Variants in KCNH6 observed in about 807,000 individuals in gnomAD.
The protein encoded by KCNH6 is potassium voltage-gated channel subfamily H member 6.
Under a neutral mutation model 83.4 loss-of-function variants are expected in KCNH6, and 81 were observed. The observed-to-expected ratio is 0.97, with a 90% CI of 0.81 to 1.17. The LOEUF (loss-of-function observed/expected upper bound fraction) is 1.17, where lower values mean the gene tolerates loss of function less well. Ranked by LOEUF, KCNH6 falls within the 50% of genes most tolerant of loss-of-function variation. The pLI is 0.00. For missense variants in KCNH6, 1,203 were observed against 1,290.5 expected (o/e 0.93, Z 1.04); for synonymous variants, 503 against 545.6 (o/e 0.92, Z 1.09).
At position 63,545,910 on chromosome 17, in the gene KCNH6, G is replaced by A; in HGVS notation, c.*8G>A. 2 of 1,613,006 alleles carry A rather than the reference G, an allele frequency of 1.2e-6. No individual in the cohort carries two copies. Among genetic ancestry groups the A allele is most frequent in the Non-Finnish European group, 1.7e-6 (2 of 1,179,570 alleles). On this transcript the variant is annotated 3_prime_UTR_variant, in exon 13 of 13. Coordinates refer to ENST00000314672, the MANE Select transcript of KCNH6 (RefSeq NM_001278919.2). The stretch of plus-strand genomic sequence containing the variant: ...GGGAGTTGGGGCCACTGAACTCCAA[G>A]ATAAAGACACCATGAGGGGACTGAA...
chr17:63,525,018 C>A (rs925154176), intron 2 of KCNH6, among the ~76,000 whole-genome samples: 1 of 152,164 alleles, frequency 6.6e-6, no homozygotes, highest in Non-Finnish European at 1.5e-5. Context: ...CTGGACCTGG[C>A]AGCATGGGTG....
In KCNH6 at chr17:63,542,398, C is replaced by G; in HGVS notation, c.2112C>G (p.Phe704Leu). The change falls in exon 9 of 13, where the codon TTC becomes TTG. Residue 704 changes from phenylalanine to leucine, a missense_variant. Coordinates refer to ENST00000314672, the MANE Select transcript of KCNH6 (RefSeq NM_001278919.2). ...TGTACCCGGCCTTTGCGGAGAGCTT[C>G]TGGAGTAAGCTGGAGGTCACCTTCA... Reference protein sequence around the residue: ...LDMYPAFAESFWSKLEVTFNL... With the variant: ...LDMYPAFAESLWSKLEVTFNL... 6 of 1,614,174 alleles carry G rather than the reference C, an allele frequency of 3.7e-6. No individual in the cohort carries two copies. Among genetic ancestry groups the G allele is most frequent in the Non-Finnish European group, 5.1e-6 (6 of 1,180,032 alleles).
chr17:63,546,648 T>C lies in KCNH6; in HGVS notation c.*746T>C, dbSNP rs930025472. Reference sequence around the variant, plus strand: ...TCAGGACAGTCCTCCAGCCCTCTGCTCCTGATGGTTCTGTGACATTGGGTC... The same window carrying C: ...TCAGGACAGTCCTCCAGCCCTCTGCCCCTGATGGTTCTGTGACATTGGGTC... On this transcript the variant is annotated 3_prime_UTR_variant, in exon 13 of 13. Coordinates refer to ENST00000314672, the MANE Select transcript of KCNH6 (RefSeq NM_001278919.2). The C allele has an allele frequency of 1.3e-5, 2 of 152,362 alleles. No individual in the cohort carries two copies. Among genetic ancestry groups the C allele is most frequent in the East Asian group, 1.9e-4 (1 of 5,184 alleles). The allele number at this position is 152,362 out of a possible 1,614,324, so 9.4% of individuals were successfully genotyped here.
chr17:63,541,766 C>T (rs2032875446), intron 8 of KCNH6, among the ~76,000 whole-genome samples: 1 of 152,224 alleles, frequency 6.6e-6, no homozygotes, highest in African/African-American at 2.4e-5. Flanking sequence ...TGCTGGTTAC[C>T]TGGCCCCACA....
chr17:63,528,417 T>G (rs532917185), intron 2 of KCNH6, among the ~76,000 whole-genome samples: 19 of 152,196 alleles, frequency 1.2e-4, no homozygotes, highest in Non-Finnish European at 2.6e-4. Flanking sequence ...TACGAGAGAT[T>G]CCTACTCCCC....
At chr17:63,548,894 G>C (rs982578621), downstream of KCNH6, 1 of 152,118 alleles carries the variant, frequency 6.6e-6, no homozygotes, top group African/African-American at 2.4e-5. Context: ...CCTAAAGGCA[G>C]AGGTTGCAGT....
At chr17:63,544,191 A>AG in intron 10 of KCNH6, 58 bp from the exon 11 acceptor site, 1 of 1,604,064 alleles carries the variant, frequency 6.2e-7, no homozygotes. Flanking sequence ...TCTATTGAGA[A>AG]GGGTCAGGCC....
Position 63,544,333 on chromosome 17 carries a change from A to G in KCNH6, c.2318A>G (p.Gln773Arg), listed in dbSNP as rs767120970. 1 of 1,612,262 alleles carries G rather than the reference A, an allele frequency of 6.2e-7. No homozygotes were observed. The highest frequency in any genetic ancestry group is 8.5e-7 in the Non-Finnish European group (1 of 1,179,276). Residue 773 changes from glutamine (Q) to arginine (R), a missense_variant, in exon 11 of 13, where the codon CAA becomes CGA. Coordinates refer to ENST00000314672, the MANE Select transcript of KCNH6 (RefSeq NM_001278919.2). ...GAAATGCCCCCAAGGCACAGCCCCC[A>G]AAGCCCTCAGGAAGACCCAGATTGC... Reference protein sequence around the residue: ...LQEMPPRHSPQSPQEDPDCWP... With the variant: ...LQEMPPRHSPRSPQEDPDCWP...
intron 4 of KCNH6, among the ~76,000 whole-genome samples, chr17:63,532,623 T>C (rs1254986014): frequency 6.6e-6 from 1 of 152,224 alleles, no homozygotes; most frequent in Non-Finnish European, 1.5e-5. Context: ...ACTCAAGGGT[T>C]TGGATGTCAG....
chr17:63,545,811 C>A lies in KCNH6; in HGVS notation c.2786C>A (p.Ser929Tyr). 3 of 1,614,132 alleles carry A rather than the reference C, an allele frequency of 1.9e-6. No homozygotes were observed. Among genetic ancestry groups the A allele is most frequent in the Non-Finnish European group, 2.5e-6 (3 of 1,180,006 alleles). The stretch of plus-strand genomic sequence containing the variant: ...CTCATCTGTGGTCCCTGCTTCTCCT[C>A]CCTCCCTGAACACCTTGGCTCTGTT... ...QGLICGPCFS[S>Y]LPEHLGSVPK... Residue 929 changes from serine to tyrosine, a missense_variant, in exon 13 of 13, where the codon TCC becomes TAC. Ser to Tyr is a moderately radical substitution (Grantham distance 144, BLOSUM62 -2). Coordinates refer to ENST00000314672, the MANE Select transcript of KCNH6 (RefSeq NM_001278919.2).
intron 6 of KCNH6, among the ~76,000 whole-genome samples, chr17:63,536,936 G>A (rs2032534941): frequency 9.1e-6 from 1 of 109,888 alleles, no homozygotes; most frequent in Non-Finnish European, 1.7e-5. Flanking sequence ...CTGGGAGACA[G>A]AGCAAGACTC....
rs377174449 is a variant in KCNH6, at chr17:63,537,917, C to T, written c.1502-148C>T. On this transcript the variant is annotated intron_variant, in intron 6 of 12. Coordinates refer to ENST00000314672, the MANE Select transcript of KCNH6 (RefSeq NM_001278919.2). ...CCAGGGGCCTTTGTCCCGCATGTGCCCTGGCGCTGTCCTGGTCACTCCTGA... is the reference window on the plus strand; with the variant it reads ...CCAGGGGCCTTTGTCCCGCATGTGCTCTGGCGCTGTCCTGGTCACTCCTGA... The T allele has an allele frequency of 4.8e-5, 35 of 733,840 alleles. 2 individuals are homozygous for T. Among genetic ancestry groups the T allele is most frequent in the African/African-American group, 3.0e-4 (17 of 56,686 alleles). 45.5% of individuals were successfully genotyped at this position (733,840 alleles called of 1,614,324 possible). A position where few individuals can be genotyped will look rare whatever the true frequency, so the allele number is the denominator to read the frequency against.
At chr17:63,525,923 G>T (rs1897679540) in intron 2 of KCNH6, among the ~76,000 whole-genome samples, 1 of 152,230 alleles carries the variant, frequency 6.6e-6, no homozygotes, top group South Asian at 2.1e-4. Flanking sequence ...GGGGGTTACA[G>T]CAGGTCCTTT....
intron 8 of KCNH6, among the ~76,000 whole-genome samples, chr17:63,539,070 G>A (rs1416731088): frequency 1.3e-5 from 2 of 152,178 alleles, no homozygotes; most frequent in African/African-American, 2.4e-5. Flanking sequence ...CAGACACAGG[G>A]ATAGCTAGAC....
Position 63,538,834 on chromosome 17 carries a change from AAAC to A in KCNH6, c.1954+176_1954+178del, listed in dbSNP as rs1286044790. ...TTAGACCCAGCTGGCTGAATCCTTA[AAAC>A]AACCCTCTGCCGGAGGTCCCATTTT... On this transcript the variant is annotated intron_variant, in intron 8 of 12. Coordinates refer to ENST00000314672, the MANE Select transcript of KCNH6 (RefSeq NM_001278919.2). The surrounding 1 kb of genome is among the most constrained non-coding windows in gnomAD (Gnocchi z 4.0). 6.6e-6 allele frequency among the ~76,000 whole-genome samples: 1 copy of A among 152,170 alleles called. No homozygotes were observed. The highest frequency in any genetic ancestry group is 2.4e-5 in the African/African-American group (1 of 41,446).
Position 63,544,397 on chromosome 17 carries a change from G to A in KCNH6, c.2382G>A (p.Gln794=), listed in dbSNP as rs2033041731. 6.3e-7 allele frequency: 1 copy of A among 1,583,392 alleles called. No homozygotes were observed. The change falls in exon 11 of 13, where the codon CAG becomes CAA. Residue 794 remains glutamine (Q), a synonymous_variant. Transcript: ENST00000314672. ...TGGGCTCCAGGCTAGAGCAGCTCCA[G>A]GCCCAGATGAACAGGTGTGTGTGCT... is the stretch of plus-strand genomic sequence containing the variant. ...LKLGSRLEQL[Q]AQMNRLESRV...
intron 4 of KCNH6, among the ~76,000 whole-genome samples, chr17:63,531,173 C>T (rs1457875773): frequency 6.6e-6 from 1 of 152,202 alleles, no homozygotes; most frequent in South Asian, 2.1e-4. Flanking sequence ...TCCAGCTCAC[C>T]CTGCTGTCCC....
chr17:63,542,182 C>A, intron 8 of KCNH6, 59 bp from the exon 9 acceptor site: 1 of 1,567,998 alleles, frequency 6.4e-7, no homozygotes, highest in Non-Finnish European at 8.7e-7. Flanking sequence ...GGTCAAAGGA[C>A]CCTCATAAGG....
At chr17:63,544,776 A>G (rs9908726) in intron 11 of KCNH6, among the ~76,000 whole-genome samples, 2 of 152,038 alleles carry the variant, frequency 1.3e-5, no homozygotes, top group African/African-American at 4.8e-5. Flanking sequence ...GCAAGTTACT[A>G]AACAGCTCTG....
Sources: gnomAD v4.1 joint callset for allele counts (sites outside exome capture counted in the v4.1 genomes callset) on GRCh38, gnomAD v4.1.1 for gene constraint, Gnocchi (gnomAD v3.1) non-coding constraint, MANE v1.5 for transcripts, NCBI Gene and HGNC (gene_info 2026-07-23, HGNC 2026-07-21) for gene names.